ASL: variants seen among roughly 807,000 people sequenced by gnomAD.
ASL encodes the protein argininosuccinase.
ASL carries 51 observed loss-of-function variants against 69.1 expected under a neutral mutation model. The observed-to-expected ratio is 0.74, with a 90% CI of 0.59 to 0.93. The LOEUF is 0.93. ASL is among the 40% of genes least tolerant of loss of function. The pLI is 0.00. For missense variants in ASL, 540 were observed against 623.9 expected, an observed-to-expected ratio of 0.87 and a Z score of 1.43; for synonymous variants, 241 against 247.6, an observed-to-expected ratio of 0.97 and a Z score of 0.25.
In ASL at chr7:66,092,977, C is replaced by A; in HGVS notation, c.*65C>A. ...GGAGGCTGCTGTGTGTTTCCTGCCC[C>A]AGCCTGGCTCCCTCGTTGCTGGGCT... On this transcript the variant is annotated 3_prime_UTR_variant, in exon 17 of 17. Transcript: ENST00000304874. 6.5e-7 allele frequency: 1 copy of A among 1,546,778 alleles called. No homozygotes were observed. The highest frequency in any genetic ancestry group is 2.4e-5 in the East Asian group (1 of 41,506).
At chr7:66,089,212 T>G (rs1786767006) in intron 12 of ASL, 37 bp downstream of exon 12, 1 of 1,612,526 alleles carries the variant, frequency 6.2e-7, no homozygotes, top group Non-Finnish European at 8.5e-7. Flanking sequence ...GCCTCTGGGC[T>G]GATGGTGGGT....
intron 10 of ASL, among the ~76,000 whole-genome samples, 169 bp downstream of exon 10, chr7:66,087,960 T>G (rs1424509739): frequency 6.6e-6 from 1 of 152,054 alleles, no homozygotes; most frequent in Non-Finnish European, 1.5e-5. Flanking sequence ...TGGTTCACCA[T>G]GCCCAGCACT....
intron 2 of ASL, among the ~76,000 whole-genome samples, chr7:66,080,018 G>A (rs1186730229): frequency 1.3e-5 from 2 of 152,022 alleles, no homozygotes; most frequent in East Asian, 1.9e-4. Flanking sequence ...CCAGGAGTTT[G>A]AGGCTGCAGT....
chr7:66,077,090 C>T (rs560566214), intron 2 of ASL, among the ~76,000 whole-genome samples: 28 of 152,264 alleles, frequency 1.8e-4, no homozygotes, highest in Admixed American at 3.9e-4. Context: ...TCATAAAAGG[C>T]CGTAATAACA....
intron 6 of ASL, among the ~76,000 whole-genome samples, chr7:66,084,058 C>A (rs1181090186): frequency 6.6e-6 from 1 of 152,180 alleles, no homozygotes; most frequent in East Asian, 1.9e-4. Flanking sequence ...AACAAGGGCA[C>A]AAGAATTGTC....
In ASL at chr7:66,082,889, G is replaced by T; in HGVS notation, c.301G>T (p.Gly101Cys). Residue 101 changes from glycine to cysteine, a missense_variant, in exon 5 of 17, where the codon GGT (glycine) becomes TGT (cysteine). Physicochemically the swap from Gly to Cys is radical, Grantham distance 159. Coordinates refer to ENST00000304874, the MANE Select transcript of ASL (RefSeq NM_000048.4). ...ANERRLKELI[G>C]ATAGKLHTGR... ...CTCCCTTCACCTCCAGGAGCTCATT[G>T]GTGCAACGGCAGGGAAGCTGCACAC... is the stretch of plus-strand genomic sequence containing the variant. The T allele has an allele frequency of 6.2e-7, 1 of 1,613,766 alleles. No homozygotes were observed. The highest frequency in any genetic ancestry group is 8.5e-7 in the Non-Finnish European group (1 of 1,180,004).
intron 5 of ASL, 28 bp downstream of exon 5, chr7:66,082,964 C>T (rs747594107): frequency 1.5e-5 from 24 of 1,612,574 alleles, no homozygotes; most frequent in Middle Eastern, 1.7e-4. Flanking sequence ...CCCCCTGCTC[C>T]GTGTTGTCCC....
At chr7:66,086,980 C>A in intron 8 of ASL, 159 bp downstream of exon 8, 3 of 927,794 alleles carry the variant, frequency 3.2e-6, no homozygotes, top group Non-Finnish European at 1.6e-6. Flanking sequence ...AGGTGACGAC[C>A]AAGCCATTGA....
chr7:66,087,470 A>T (rs1405828363), intron 9 of ASL, 84 bp downstream of exon 9: 4 of 1,515,942 alleles, frequency 2.6e-6, no homozygotes, highest in Non-Finnish European at 3.6e-6. Flanking sequence ...ACCAGAGGGC[A>T]GGGGCCTGTG....
At chr7:66,080,988 C>G (rs917264344) in intron 2 of ASL, among the ~76,000 whole-genome samples, 9 of 152,178 alleles carry the variant, frequency 5.9e-5, no homozygotes, top group Admixed American at 5.9e-4. Context: ...GACACCAGAG[C>G]CAAGTCCAGA....
intron 2 of ASL, among the ~76,000 whole-genome samples, chr7:66,080,664 C>T (rs1434983059): frequency 6.6e-6 from 1 of 152,120 alleles, no homozygotes; most frequent in African/African-American, 2.4e-5. Context: ...GTGGAGGTTG[C>T]AGTGAGCCGA....
chr7:66,087,943 G>A lies in ASL; in HGVS notation c.718+152G>A, dbSNP rs371943639. 71 of 1,011,368 alleles carry A rather than the reference G, an allele frequency of 7.0e-5. No individual in the cohort carries two copies. In the East Asian group the frequency reaches 1.3e-3, roughly 19 times the overall value. The allele number at this position is 1,011,368 out of a possible 1,614,324, so 62.6% of individuals were successfully genotyped here. A position where few individuals can be genotyped will look rare whatever the true frequency, so the allele number is the denominator to read the frequency against. On this transcript the variant is annotated intron_variant, in intron 10 of 16. Transcript: ENST00000304874. ...AACCTTAAATGGGTAAAGTGGGTGGGGCATGGTGGTTCACCATGCCCAGCA... is the reference window on the plus strand; with the variant it reads ...AACCTTAAATGGGTAAAGTGGGTGGAGCATGGTGGTTCACCATGCCCAGCA...
At chr7:66,077,745 C>T (rs977500071) in intron 2 of ASL, among the ~76,000 whole-genome samples, 20 of 152,016 alleles carry the variant, frequency 1.3e-4, no homozygotes, top group African/African-American at 4.6e-4. Context: ...AGAAAAAAAA[C>T]CCACAAGTCC....
Position 66,089,653 on chromosome 7 carries a change from T to G in ASL, c.1020T>G (p.Ser340Arg), listed in dbSNP as rs771476376. The G allele has an allele frequency of 5.6e-6, 9 of 1,613,680 alleles. No individual in the cohort carries two copies. In the Admixed American group the frequency reaches 1.5e-4, roughly 27 times the overall value. The change falls in exon 14 of 17, where the codon AGT becomes AGG. Residue 340 changes from serine (S) to arginine (R), a missense_variant. By Grantham distance (110) the Ser-to-Arg change is moderately radical. Transcript: ENST00000304874. Reference protein sequence around the residue: ...EAVFEVSDTMSAVLQVATGVI... With the variant: ...EAVFEVSDTMRAVLQVATGVI... ...TGTTTGAAGTGTCAGACACTATGAG[T>G]GCCGTGCTCCAGGTGGCCACTGGCG...
In ASL at chr7:66,083,106, G is replaced by A; in HGVS notation, c.378G>A (p.Arg126=). ...TCACAGACCTCAGGCTGTGGATGCG[G>A]CAGACCTGCTCCACGCTCTCGGGCC... ...QVVTDLRLWM[R]QTCSTLSGLL... The change falls in exon 6 of 17, where the codon CGG becomes CGA. Residue 126 remains arginine, a synonymous_variant. Transcript: ENST00000304874. 8 of 1,613,776 alleles carry A rather than the reference G, an allele frequency of 5.0e-6. No individual in the cohort carries two copies. The highest frequency in any genetic ancestry group is 6.8e-6 in the Non-Finnish European group (8 of 1,179,992).
In ASL at chr7:66,087,653, G is replaced by T. The variant is rs1007094019; in HGVS notation, c.656-76G>T. The T allele has an allele frequency of 6.4e-6, 10 of 1,554,306 alleles. No homozygotes were observed. The Admixed American group carries it at 1.7e-4, about 27-fold the overall frequency. ...TGCCCCACCCTGATCAGGGGAGGGG[G>T]CTGGGCAACCTAGTTGGGGGAGAGG... On this transcript the variant is annotated intron_variant, in intron 9 of 16. Coordinates refer to ENST00000304874, the MANE Select transcript of ASL (RefSeq NM_000048.4).
At chr7:66,092,519 A>G in intron 15 of ASL, 38 bp from the exon 16 acceptor site, 1 of 1,576,306 alleles carries the variant, frequency 6.3e-7, no homozygotes, top group Non-Finnish European at 8.6e-7. Context: ...GGGCATGGAG[A>G]AACCTGCCTC....
chr7:66,083,122 C>T lies in ASL; in HGVS notation c.394C>T (p.Leu132Phe), dbSNP rs771749936. 3 of 1,613,700 alleles carry T rather than the reference C, an allele frequency of 1.9e-6. No individual in the cohort carries two copies. The highest frequency in any genetic ancestry group is 2.5e-6 in the Non-Finnish European group (3 of 1,180,016). ...GTGGATGCGGCAGACCTGCTCCACG[C>T]TCTCGGGCCTCCTCTGGGAGCTCAT... ...RLWMRQTCSTLSGLLWELIRT... is the reference protein window; with the variant it reads ...RLWMRQTCSTFSGLLWELIRT... Residue 132 changes from leucine (L) to phenylalanine (F), a missense_variant, in exon 6 of 17, where the codon CTC becomes TTC. Transcript: ENST00000304874.
chr7:66,086,616 C>A lies in ASL; in HGVS notation c.478C>A (p.His160Asn). ...TGATGTTCTCTTCCCGGGGTACACC[C>A]ATTTGCAGAGGGCCCAGCCCATCCG... Reference protein sequence around the residue: ...ERDVLFPGYTHLQRAQPIRWS... With the variant: ...ERDVLFPGYTNLQRAQPIRWS... Residue 160 changes from histidine (H) to asparagine (N), a missense_variant, in exon 7 of 17, where the codon CAT becomes AAT. Physicochemically the swap from His to Asn is moderately conservative, Grantham distance 68. Coordinates refer to ENST00000304874, the MANE Select transcript of ASL (RefSeq NM_000048.4). The A allele has an allele frequency of 6.2e-7, 1 of 1,613,986 alleles. No individual in the cohort carries two copies.
Sources: gnomAD v4.1 joint callset for allele counts (sites outside exome capture counted in the v4.1 genomes callset) on GRCh38, gnomAD v4.1.1 for gene constraint, MANE v1.5 for transcripts, NCBI Gene and HGNC (gene_info 2026-07-23, HGNC 2026-07-21) for gene names.